The following GPM6B variants were observed in gnomAD, a reference collection of about 807,000 sequenced individuals.
GPM6B encodes the protein neuronal membrane glycoprotein M6-b.
A neutral mutation model predicts 27.2 loss-of-function variants in GPM6B; 4 were observed. That is an observed-to-expected ratio of 0.15 (90% CI 0.07 to 0.34). GPM6B has a LOEUF of 0.34. Among genes scored for constraint, GPM6B ranks in the 10% least tolerant of loss-of-function variants. GPM6B has a pLI of 1.00. For missense variants in GPM6B, 183 were observed against 261.9 expected (o/e 0.70, Z 2.08); for synonymous variants, 124 against 103.1 (o/e 1.20, Z -1.23).
At chrX:13,931,487 C>CA (rs757491124) in intron 1 of GPM6B, among the ~76,000 whole-genome samples, 142 of 86,327 alleles carry the variant, frequency 1.6e-3, no homozygotes, top group East Asian at 8.3e-3. Context: ...GACTCCTTCT[C>CA]AAAAAAAAAA....
At chrX:13,903,703 T>C (rs1250601429) in intron 1 of GPM6B, among the ~76,000 whole-genome samples, 3 of 111,986 alleles carry the variant, frequency 2.7e-5, no homozygotes, top group Non-Finnish European at 3.8e-5. Context: ...CACAGATCCA[T>C]TGGATTCCAG....
At chrX:13,820,151 T>C (rs1448887455), upstream of GPM6B, among the ~76,000 whole-genome samples, 1 of 111,312 alleles carries the variant, frequency 9.0e-6, no homozygotes, top group Non-Finnish European at 1.9e-5. Flanking sequence ...ATTCTATTGG[T>C]AACGTGGAAG....
At chrX:13,926,902 A>G (rs1921241893) in intron 1 of GPM6B, among the ~76,000 whole-genome samples, 1 of 112,090 alleles carries the variant, frequency 8.9e-6, no homozygotes, top group Non-Finnish European at 1.9e-5. Context: ...GTCATAAAAA[A>G]TTAAAGGAAA....
At chrX:13,780,082 T>C (rs1397814258) in intron 4 of GPM6B, 93 bp from the exon 5 acceptor site, 2 of 752,666 alleles carry the variant, frequency 2.7e-6, no homozygotes, top group Non-Finnish European at 3.8e-6. Flanking sequence ...GGCCCAATAC[T>C]GACCTGTGGA....
intron 1 of GPM6B, among the ~76,000 whole-genome samples, chrX:13,895,512 T>C (rs16979352): frequency 0.21 from 22,832 of 110,512 alleles, 1,954 homozygotes; most frequent in South Asian, 0.34. Flanking sequence ...TAAACCTTTC[T>C]GGAAAGTGAC....
intron 1 of GPM6B, among the ~76,000 whole-genome samples, chrX:13,861,148 T>TAC (rs1569267665): frequency 2.0e-4 from 16 of 80,157 alleles, no homozygotes; most frequent in African/African-American, 8.2e-4. Context: ...AATATACATA[T>TAC]ATACATATAC....
At chrX:13,820,206 G>A (rs1324587475), upstream of GPM6B, among the ~76,000 whole-genome samples, 1 of 111,490 alleles carries the variant, frequency 9.0e-6, no homozygotes, top group African/African-American at 3.3e-5. Context: ...AAACTAGTCA[G>A]GAGTCTCCTG....
At chrX:13,847,532 T>C (rs755738887) in intron 1 of GPM6B, among the ~76,000 whole-genome samples, 13 of 112,036 alleles carry the variant, frequency 1.2e-4, no homozygotes, top group African/African-American at 3.6e-4. Context: ...ACAATATCCA[T>C]TTCTTTATAG....
At chrX:13,935,335 CAAAAAAAAA>C (rs60400361) in intron 1 of GPM6B, among the ~76,000 whole-genome samples, 1 of 42,725 alleles carries the variant, frequency 2.3e-5, no homozygotes, top group Non-Finnish European at 4.0e-5. Flanking sequence ...CCTATCTCTA[CAAAAAAAAA>C]AAAAAAAAAA....
At chrX:13,827,344 G>A (rs2049387102) in intron 1 of GPM6B, among the ~76,000 whole-genome samples, 1 of 100,561 alleles carries the variant, frequency 9.9e-6, no homozygotes, top group Admixed American at 1.1e-4. Context: ...GTGCAGTGGT[G>A]CGATCATGGA....
intron 1 of GPM6B, among the ~76,000 whole-genome samples, chrX:13,877,667 C>A (rs199992439): frequency 1.8e-4 from 18 of 100,898 alleles, no homozygotes; most frequent in African/African-American, 3.7e-4. Context: ...ACAAAAAAAA[C>A]CCCTGAAAAT....
At chrX:13,865,559 A>AAAAAAAAAAAAAAAAAAAAAGAAAG (rs34662549) in intron 1 of GPM6B, among the ~76,000 whole-genome samples, 1 of 52,929 alleles carries the variant, frequency 1.9e-5, no homozygotes, top group Non-Finnish European at 3.6e-5. Context: ...AAAAAAAAAA[A>AAAAAAAAAAAAAAAAAAAAAGAAAG]AAAGAAAGAA....
chrX:13,781,639 G>T (rs750618852), intron 4 of GPM6B, among the ~76,000 whole-genome samples: 1 of 111,641 alleles, frequency 9.0e-6, no homozygotes, highest in South Asian at 3.8e-4. Context: ...AGACCCAAAA[G>T]AATGCAACCA....
intron 1 of GPM6B, among the ~76,000 whole-genome samples, chrX:13,812,686 C>A (rs1192492727): frequency 1.8e-5 from 2 of 111,244 alleles, no homozygotes; most frequent in Admixed American, 9.6e-5. Context: ...CCCTGTACTT[C>A]CAAATAACAG....
At chrX:13,814,390 G>A (rs753877119) in intron 1 of GPM6B, among the ~76,000 whole-genome samples, 20 of 111,694 alleles carry the variant, frequency 1.8e-4, no homozygotes, top group Admixed American at 1.3e-3. Context: ...AAAACTCTGC[G>A]TAAAGTGACA....
upstream of GPM6B, among the ~76,000 whole-genome samples, chrX:13,819,162 AACT>A (rs1263560265): frequency 8.9e-6 from 1 of 112,403 alleles, no homozygotes; most frequent in African/African-American, 3.2e-5. Context: ...CCACCTGAAA[AACT>A]ACATGGAAAT....
At chrX:13,924,454 C>T (rs2147071980) in intron 1 of GPM6B, among the ~76,000 whole-genome samples, 1 of 110,177 alleles carries the variant, frequency 9.1e-6, no homozygotes, top group Non-Finnish European at 1.9e-5. Flanking sequence ...TGCGTATCAC[C>T]GGCCAGGCTA....
At chrX:13,899,447 C>A in intron 1 of GPM6B, among the ~76,000 whole-genome samples, 1 of 95,389 alleles carries the variant, frequency 1.0e-5, no homozygotes, top group African/African-American at 3.9e-5. Context: ...CATAGGGAGG[C>A]AATTAGGAAA....
intron 1 of GPM6B, among the ~76,000 whole-genome samples, chrX:13,885,774 C>T (rs2050129279): frequency 9.0e-6 from 1 of 111,695 alleles, no homozygotes; most frequent in African/African-American, 3.3e-5. Context: ...TGGATGGTGC[C>T]TATGAAGTAC....
Sources: gnomAD v4.1 joint callset for allele counts (sites outside exome capture counted in the v4.1 genomes callset) on GRCh38, gnomAD v4.1.1 for gene constraint, MANE v1.5 for transcripts, NCBI Gene and HGNC (gene_info 2026-07-23, HGNC 2026-07-21) for gene names.